SMOC2: variants seen among roughly 807,000 people sequenced by gnomAD.
The protein encoded by SMOC2 is SPARC related modular calcium binding 2, also known as SPARC-related modular calcium-binding protein 2.
In SMOC2, 39 loss-of-function variants were observed where a neutral mutation model predicts 61.4. That is an observed-to-expected ratio of 0.64 (90% CI 0.49 to 0.83). The LOEUF is 0.83. SMOC2 is among the 40% of genes least tolerant of loss of function. SMOC2 has a pLI of 0.00. For synonymous variants in SMOC2, 247 were observed against 239.9 expected, an observed-to-expected ratio of 1.03 and a Z score of -0.27; for missense variants, 556 against 592.9, an observed-to-expected ratio of 0.94 and a Z score of 0.65.
chr6:168,640,644 A>G (rs552686456), intron 9 of SMOC2, among the ~76,000 whole-genome samples: 7 of 152,362 alleles, frequency 4.6e-5, no homozygotes, highest in African/African-American at 1.4e-4. Flanking sequence ...TCTTAACAAT[A>G]CATGAATTTT....
intron 1 of SMOC2, among the ~76,000 whole-genome samples, chr6:168,484,897 A>G (rs1171802389): frequency 6.6e-6 from 1 of 152,224 alleles, no homozygotes; most frequent in Admixed American, 6.5e-5. Context: ...CTTAGAGTCA[A>G]CAAAGTCATA....
chr6:168,589,166 CATT>C (rs1374441442), intron 7 of SMOC2, among the ~76,000 whole-genome samples: 1 of 151,404 alleles, frequency 6.6e-6, no homozygotes, highest in Non-Finnish European at 1.5e-5. Context: ...TGAATTATGT[CATT>C]ATGATGTTCA....
intron 1 of SMOC2, among the ~76,000 whole-genome samples, chr6:168,485,295 C>G (rs1046467859): frequency 1.3e-5 from 2 of 152,110 alleles, no homozygotes; most frequent in African/African-American, 4.8e-5. Context: ...TCAGAGTTCT[C>G]TTATGAACCA....
chr6:168,609,233 C>G (rs998684095), intron 9 of SMOC2, among the ~76,000 whole-genome samples: 10 of 152,224 alleles, frequency 6.6e-5, no homozygotes, highest in African/African-American at 2.4e-4. Flanking sequence ...AAACACCGTG[C>G]AGCTCACTGG....
At chr6:168,490,045 A>G (rs559198716) in intron 1 of SMOC2, among the ~76,000 whole-genome samples, 3 of 148,878 alleles carry the variant, frequency 2.0e-5, no homozygotes, top group Non-Finnish European at 3.0e-5. Context: ...ATGTCGAATC[A>G]TCTGGTTCCC....
intron 8 of SMOC2, among the ~76,000 whole-genome samples, chr6:168,599,889 C>A (rs565500170): frequency 6.9e-6 from 1 of 144,956 alleles, no homozygotes; most frequent in Non-Finnish European, 1.5e-5. Flanking sequence ...CTAACTCCCC[C>A]GACACATCCC....
chr6:168,613,602 T>G (rs1240375979), intron 9 of SMOC2, among the ~76,000 whole-genome samples: 1 of 148,386 alleles, frequency 6.7e-6, no homozygotes, highest in Non-Finnish European at 1.5e-5. Context: ...GCACAGTGCC[T>G]CTTCACATCT....
intron 1 of SMOC2, among the ~76,000 whole-genome samples, chr6:168,504,487 A>G (rs1357673404): frequency 6.6e-6 from 1 of 151,406 alleles, no homozygotes. Context: ...GCAGTTCACA[A>G]TAGGGTTCAC....
chr6:168,473,410 C>T (rs959049670), intron 1 of SMOC2, among the ~76,000 whole-genome samples: 3 of 152,052 alleles, frequency 2.0e-5, no homozygotes, highest in Admixed American at 6.5e-5. Flanking sequence ...TACCTGCCAC[C>T]TGTGTGCCCT....
intron 1 of SMOC2, among the ~76,000 whole-genome samples, chr6:168,472,017 G>A (rs759348361): frequency 8.5e-5 from 13 of 152,082 alleles, no homozygotes; most frequent in African/African-American, 1.9e-4. Flanking sequence ...CTCTGATGAC[G>A]GTGTCATTTG....
intron 7 of SMOC2, among the ~76,000 whole-genome samples, chr6:168,595,398 C>A (rs893962503): frequency 6.6e-6 from 1 of 152,194 alleles, no homozygotes; most frequent in Non-Finnish European, 1.5e-5. Context: ...GTTCCCTCTA[C>A]CAGCGTGATT....
At chr6:168,465,400 G>A (rs1291679610) in intron 1 of SMOC2, among the ~76,000 whole-genome samples, 2 of 150,556 alleles carry the variant, frequency 1.3e-5, no homozygotes, top group South Asian at 2.1e-4. Context: ...GATTTTTCTC[G>A]AATGGTCAAG....
intron 1 of SMOC2, among the ~76,000 whole-genome samples, chr6:168,493,846 G>GT (rs1175079600): frequency 1.3e-5 from 2 of 152,134 alleles, no homozygotes; most frequent in Admixed American, 6.5e-5. Flanking sequence ...AGACATATTA[G>GT]TTTTTAACTG....
chr6:168,524,210 C>T (rs1277131112), intron 2 of SMOC2, among the ~76,000 whole-genome samples: 3 of 152,042 alleles, frequency 2.0e-5, no homozygotes, highest in Non-Finnish European at 2.9e-5. Context: ...TGATTTAACA[C>T]GAGATATCCA....
At chr6:168,569,162 T>G (rs1784611586) in intron 7 of SMOC2, among the ~76,000 whole-genome samples, 1 of 152,246 alleles carries the variant, frequency 6.6e-6, no homozygotes, top group Admixed American at 6.5e-5. Flanking sequence ...TTCTGCAGTC[T>G]CAGCCTGCTT....
intron 7 of SMOC2, among the ~76,000 whole-genome samples, chr6:168,588,607 A>T (rs1218148582): frequency 6.6e-6 from 1 of 152,212 alleles, no homozygotes; most frequent in Non-Finnish European, 1.5e-5. Context: ...GTGACAAGTG[A>T]TTCCCAGCAT....
intron 2 of SMOC2, among the ~76,000 whole-genome samples, chr6:168,512,492 C>T (rs1381033695): frequency 6.6e-6 from 1 of 152,172 alleles, no homozygotes; most frequent in East Asian, 1.9e-4. Context: ...TGATTAACCT[C>T]AATATGCTAC....
intron 8 of SMOC2, among the ~76,000 whole-genome samples, chr6:168,606,550 G>A (rs1051288133): frequency 7.2e-5 from 11 of 152,016 alleles, no homozygotes; most frequent in South Asian, 6.2e-4. Context: ...CTTTAAATAT[G>A]TCCCTTTAGA....
At chr6:168,613,544 G>A (rs1049884886) in intron 9 of SMOC2, among the ~76,000 whole-genome samples, 14 of 152,136 alleles carry the variant, frequency 9.2e-5, no homozygotes, top group Non-Finnish European at 1.8e-4. Context: ...AAGCTCTATG[G>A]ACCCAGCAGA....
Sources: allele counts gnomAD v4.1 joint callset (sites outside exome capture counted in the v4.1 genomes callset), GRCh38; gene constraint gnomAD v4.1.1; transcripts MANE v1.5; gene names NCBI Gene and HGNC (gene_info 2026-07-23, HGNC 2026-07-21).